ELAVL2: variants seen among roughly 807,000 people sequenced by gnomAD.
ELAVL2 encodes the protein ELAV like RNA binding protein 2.
ELAVL2 carries 4 observed loss-of-function variants against 34.6 expected under a neutral mutation model. The observed-to-expected ratio is 0.12, with a 90% CI of 0.06 to 0.26. The LOEUF (loss-of-function observed/expected upper bound fraction) is 0.26, where lower values mean the gene tolerates loss of function less well. Ranked by LOEUF, ELAVL2 falls within the 10% of genes least tolerant of loss-of-function variation. The pLI is 1.00. For missense variants in ELAVL2, 432 were observed against 442.8 expected (o/e 0.98, Z 0.22); for synonymous variants, 193 against 154.8 (o/e 1.25, Z -1.83).
intron 1 of ELAVL2, among the ~76,000 whole-genome samples, chr9:23,809,410 G>C (rs2062674555): frequency 6.6e-6 from 1 of 152,008 alleles, no homozygotes; most frequent in Admixed American, 6.6e-5. Flanking sequence ...TCACAGCTTT[G>C]GGGGACATAG....
upstream of ELAVL2, among the ~76,000 whole-genome samples, chr9:23,828,748 A>G (rs1414131536): frequency 7.2e-5 from 11 of 152,172 alleles, no homozygotes; most frequent in Admixed American, 1.3e-4. Flanking sequence ...TTAAAATATT[A>G]TTTTACTTCC....
At chr9:23,804,098 G>A in intron 1 of ELAVL2, among the ~76,000 whole-genome samples, 1 of 152,082 alleles carries the variant, frequency 6.6e-6, no homozygotes, top group Non-Finnish European at 1.5e-5. Flanking sequence ...AATAATTTGT[G>A]CAAATTAAAA....
intron 1 of ELAVL2, among the ~76,000 whole-genome samples, chr9:23,819,854 C>G (rs1181179965): frequency 1.3e-5 from 2 of 152,124 alleles, no homozygotes; most frequent in African/African-American, 4.8e-5. Flanking sequence ...CAGATGTTTT[C>G]TTCCTCTTCT....
intron 5 of ELAVL2, among the ~76,000 whole-genome samples, chr9:23,699,033 ATC>A (rs1279503735): frequency 6.6e-6 from 1 of 152,236 alleles, no homozygotes; most frequent in African/African-American, 2.4e-5. Context: ...ACAACTGACA[ATC>A]TCTTATTCTC....
At chr9:23,749,395 TTTG>T (rs2051321743) in intron 2 of ELAVL2, among the ~76,000 whole-genome samples, 1 of 152,128 alleles carries the variant, frequency 6.6e-6, no homozygotes, top group African/African-American at 2.4e-5. Context: ...AAAATAGGGT[TTTG>T]TTCTGTAAGC....
At chr9:23,748,688 C>T (rs1320529792) in intron 2 of ELAVL2, among the ~76,000 whole-genome samples, 5 of 152,058 alleles carry the variant, frequency 3.3e-5, no homozygotes, top group Non-Finnish European at 7.4e-5. Flanking sequence ...TTTAATTGGA[C>T]GTTTCTTTTA....
chr9:23,711,539 C>G (rs557791062), intron 3 of ELAVL2, among the ~76,000 whole-genome samples: 4 of 152,272 alleles, frequency 2.6e-5, no homozygotes, highest in African/African-American at 9.6e-5. Context: ...TCTCACTTCT[C>G]TGTGTTAAAA....
At chr9:23,834,062 G>A in the ELAVL2 span, among the ~76,000 whole-genome samples, 34 of 151,958 alleles carry the variant, frequency 2.2e-4, no homozygotes, top group Non-Finnish European at 3.5e-4. Flanking sequence ...TGCCTAGCAT[G>A]TGCCAGAATA....
At chr9:23,825,617 G>C (rs2065252382) in intron 1 of ELAVL2, among the ~76,000 whole-genome samples, 189 bp downstream of exon 1, 2 of 152,124 alleles carry the variant, frequency 1.3e-5, no homozygotes, top group South Asian at 4.1e-4. Context: ...CGAATATTCA[G>C]TACGCTAAGC....
chr9:23,730,002 T>C (rs1322944356), intron 3 of ELAVL2, among the ~76,000 whole-genome samples: 1 of 152,070 alleles, frequency 6.6e-6, no homozygotes, highest in African/African-American at 2.4e-5. Context: ...AAATCAAGGG[T>C]GGAAAATAGG....
intron 2 of ELAVL2, among the ~76,000 whole-genome samples, chr9:23,741,391 A>T (rs1480973563): frequency 1.3e-5 from 2 of 152,194 alleles, no homozygotes; most frequent in Admixed American, 6.5e-5. Context: ...CGAGGGACCC[A>T]GGGACAGTCA....
At chr9:23,698,235 C>T (rs1409378530) in intron 5 of ELAVL2, among the ~76,000 whole-genome samples, 1 of 152,066 alleles carries the variant, frequency 6.6e-6, no homozygotes, top group African/African-American at 2.4e-5. Context: ...TATCATGTCC[C>T]AAGAATATAC....
At chr9:23,801,459 AGT>A (rs2061558658) in intron 1 of ELAVL2, among the ~76,000 whole-genome samples, 1 of 152,150 alleles carries the variant, frequency 6.6e-6, no homozygotes, top group East Asian at 1.9e-4. Context: ...TGGAATATAA[AGT>A]GTGTCTTTGC....
chr9:23,748,565 ATT>A (rs2051100368), intron 2 of ELAVL2, among the ~76,000 whole-genome samples: 1 of 152,160 alleles, frequency 6.6e-6, no homozygotes, highest in Non-Finnish European at 1.5e-5. Context: ...ATTGAAGGCA[ATT>A]TTCAAAAGAA....
intron 2 of ELAVL2, among the ~76,000 whole-genome samples, chr9:23,743,291 G>C (rs545739119): frequency 1.9e-4 from 29 of 152,278 alleles, no homozygotes; most frequent in African/African-American, 7.0e-4. Flanking sequence ...AAATGGTGCA[G>C]CTCCTACGAT....
At chr9:23,698,528 T>C (rs1292201171) in intron 5 of ELAVL2, among the ~76,000 whole-genome samples, 1 of 152,156 alleles carries the variant, frequency 6.6e-6, no homozygotes, top group Non-Finnish European at 1.5e-5. Context: ...TTGCTCAATC[T>C]CTCTCAACTC....
intron 3 of ELAVL2, among the ~76,000 whole-genome samples, chr9:23,709,458 T>C (rs919910611): frequency 9.2e-5 from 14 of 152,124 alleles, no homozygotes; most frequent in African/African-American, 2.9e-4. Context: ...CCGATTTTTT[T>C]TTTTTCCTGT....
At chr9:23,762,337 AAC>A (rs2136031728) in intron 1 of ELAVL2, 88 bp from the exon 2 acceptor site, 1 of 1,499,326 alleles carries the variant, frequency 6.7e-7, no homozygotes, top group Non-Finnish European at 9.0e-7. Flanking sequence ...CTTGTCACTA[AAC>A]ACAAGTCGTT....
intron 2 of ELAVL2, among the ~76,000 whole-genome samples, chr9:23,756,854 G>A (rs2053675428): frequency 6.6e-6 from 1 of 152,126 alleles, no homozygotes; most frequent in Admixed American, 6.6e-5. Flanking sequence ...TAGCTAACGA[G>A]TACCTTCCAG....
Sources: gnomAD v4.1 joint callset for allele counts (sites outside exome capture counted in the v4.1 genomes callset) on GRCh38, gnomAD v4.1.1 for gene constraint, MANE v1.5 for transcripts, NCBI Gene and HGNC (gene_info 2026-07-23, HGNC 2026-07-21) for gene names.